KSR1: variants seen among roughly 807,000 people sequenced by gnomAD.
KSR1 encodes kinase suppressor of ras.
In KSR1, 35 loss-of-function variants were observed where a neutral mutation model predicts 92.9. The ratio of observed to expected loss-of-function variants is 0.38; its 90% CI spans 0.29 to 0.50. The LOEUF (loss-of-function observed/expected upper bound fraction) is 0.50, where lower values mean the gene tolerates loss of function less well. KSR1 is among the 20% of genes least tolerant of loss of function. The pLI is 0.94. For missense variants in KSR1, 972 were observed against 1,158.5 expected (o/e 0.84, Z 2.34); for synonymous variants, 467 against 472.6 (o/e 0.99, Z 0.15).
chr17:27,598,411 C>A (rs948309380), intron 10 of KSR1, among the ~76,000 whole-genome samples: 1 of 152,228 alleles, frequency 6.6e-6, no homozygotes, highest in Non-Finnish European at 1.5e-5. Context: ...CCATACCCAG[C>A]CAGCAGGAGG....
At chr17:27,503,753 A>G (rs1332422895) in intron 1 of KSR1, among the ~76,000 whole-genome samples, 4 of 152,210 alleles carry the variant, frequency 2.6e-5, no homozygotes, top group Non-Finnish European at 4.4e-5. Context: ...TTTAGTGCTC[A>G]TGTGATTTGC....
intron 1 of KSR1, among the ~76,000 whole-genome samples, chr17:27,468,534 C>T (rs1054543319): frequency 6.6e-6 from 1 of 152,164 alleles, no homozygotes; most frequent in Non-Finnish European, 1.5e-5. Context: ...TGGCCTGTGG[C>T]CAATCTTGAG....
At chr17:27,602,102 AAAG>A in intron 11 of KSR1, 1 of 628,642 alleles carries the variant, frequency 1.6e-6, no homozygotes, top group Non-Finnish European at 2.8e-6. Flanking sequence ...TGTTTAAAAC[AAAG>A]ACTGTAGCTG....
chr17:27,592,283 A>G, intron 7 of KSR1, 78 bp from the exon 8 acceptor site: 1 of 1,121,320 alleles, frequency 8.9e-7, no homozygotes, highest in Non-Finnish European at 1.3e-6. Flanking sequence ...TCCTGAGTGA[A>G]TGCTACACAG....
intron 3 of KSR1, chr17:27,579,807 T>C (rs2072666616): frequency 7.7e-6 from 1 of 129,912 alleles, no homozygotes; most frequent in Non-Finnish European, 1.6e-5. Flanking sequence ...ACCTGGGAGA[T>C]AGGGGTTGCA....
chr17:27,466,867 G>T (rs1301939607), intron 1 of KSR1, among the ~76,000 whole-genome samples: 1 of 152,224 alleles, frequency 6.6e-6, no homozygotes, highest in Non-Finnish European at 1.5e-5. Context: ...CAGAAAGAGC[G>T]CTGGTTCCAC....
At position 27,606,799 on chromosome 17, in the gene KSR1, A is replaced by G. The variant is rs1280442223; in HGVS notation, c.1994+986A>G. 1.3e-5 allele frequency among the ~76,000 whole-genome samples: 2 copies of G among 152,092 alleles called. 1 individual carries two copies. The highest frequency in any genetic ancestry group is 4.8e-5 in the African/African-American group (2 of 41,430). On this transcript the variant is annotated intron_variant, in intron 14 of 20. Transcript: ENST00000644974. Reference sequence around the variant, plus strand: ...AGAACAAGACTCCATCTCAAAAAAAAAAAAAAAGTAGTTAATGAAAAACAA... The same window carrying G: ...AGAACAAGACTCCATCTCAAAAAAAGAAAAAAAGTAGTTAATGAAAAACAA...
chr17:27,594,215 TA>T (rs1478904922), intron 9 of KSR1, among the ~76,000 whole-genome samples: 2 of 152,084 alleles, frequency 1.3e-5, no homozygotes, highest in Non-Finnish European at 2.9e-5. Context: ...ATTCACAGGG[TA>T]TTTGAAGGGT....
intron 18 of KSR1, among the ~76,000 whole-genome samples, chr17:27,614,893 A>C (rs923756553): frequency 3.3e-5 from 5 of 152,204 alleles, no homozygotes; most frequent in Non-Finnish European, 5.9e-5. Flanking sequence ...GGGTAGGGGA[A>C]CATTGGTCAA....
At chr17:27,555,522 G>A (rs1019808733) in intron 2 of KSR1, among the ~76,000 whole-genome samples, 2 of 149,902 alleles carry the variant, frequency 1.3e-5, no homozygotes, top group Admixed American at 6.6e-5. Flanking sequence ...GTGTGTGTGT[G>A]TGTGTGTGTG....
Position 27,577,616 on chromosome 17 carries a change from G to T in KSR1, c.497G>T (p.Cys166Phe), listed in dbSNP as rs367832544. Reference sequence around the variant, plus strand: ...GGCCGTCTGCAGTATGCCCTCACCTGCCTGCGGAAGGTGACAGGCCTGGGT... The same window carrying T: ...GGCCGTCTGCAGTATGCCCTCACCTTCCTGCGGAAGGTGACAGGCCTGGGT... ...ECGRLQYALT[C>F]LRKVTGLGGE... The change falls in exon 3 of 21, where the codon TGC (cysteine) becomes TTC (phenylalanine). Residue 166 changes from cysteine (C) to phenylalanine (F), a missense_variant. Coordinates refer to ENST00000644974, the MANE Select transcript of KSR1 (RefSeq NM_001394583.1). This position sits in a 1 kb window ranked among gnomAD's most constrained non-coding sequence, Gnocchi z 4.5. The T allele has an allele frequency of 1.1e-5, 17 of 1,586,474 alleles. No homozygotes were observed. The African/African-American group carries it at 2.3e-4, about 21-fold the overall frequency.
chr17:27,533,952 T>A (rs1000950456), intron 1 of KSR1, among the ~76,000 whole-genome samples: 2 of 131,208 alleles, frequency 1.5e-5, no homozygotes, highest in Non-Finnish European at 3.2e-5. Flanking sequence ...AGGTGACAGG[T>A]GCGTGTGCGC....
At chr17:27,622,065 G>C in intron 20 of KSR1, 2 of 843,958 alleles carry the variant, frequency 2.4e-6, no homozygotes, top group Non-Finnish European at 4.0e-6. Context: ...TGCTCCAGTC[G>C]TCTCTCTCGA....
At chr17:27,610,293 G>A in intron 17 of KSR1, 95 bp downstream of exon 17, 1 of 1,538,668 alleles carries the variant, frequency 6.5e-7, no homozygotes, top group Non-Finnish European at 8.8e-7. Context: ...TTTAGGTGTT[G>A]AAAACCCAGG....
In KSR1 at chr17:27,604,701, A is replaced by G. The variant is rs1418529946; in HGVS notation, c.1587A>G (p.Ala529=). The stretch of plus-strand genomic sequence containing the variant: ...TTAGGCTCGATGACCAGCCGAAAGC[A>G]GATGTGTTGGAAGCTCACGAAGCGG... The part of the protein sequence containing the change: ...DGTRLDDQPK[A]DVLEAHEAEA... Residue 529 remains alanine (A), a synonymous_variant, in exon 13 of 21, where the codon GCA becomes GCG. Coordinates refer to ENST00000644974, the MANE Select transcript of KSR1 (RefSeq NM_001394583.1). 3 of 1,614,072 alleles carry G rather than the reference A, an allele frequency of 1.9e-6. No individual in the cohort carries two copies. The highest frequency in any genetic ancestry group is 2.5e-6 in the Non-Finnish European group (3 of 1,179,900).
chr17:27,523,582 G>A (rs2070130521), intron 1 of KSR1, among the ~76,000 whole-genome samples: 2 of 152,180 alleles, frequency 1.3e-5, no homozygotes, highest in African/African-American at 2.4e-5. Context: ...GTTTGGAGGG[G>A]ATATTAGATA....
rs1034401163 is a variant in KSR1, at chr17:27,515,326, A to G, written c.232-35242A>G. ...CTTTTCTGTGTTCTGATATGTTTAG[A>G]TTTGTCTTACAAATGTATTACAGTT... On this transcript the variant is annotated intron_variant, in intron 1 of 20. Coordinates refer to ENST00000644974, the MANE Select transcript of KSR1 (RefSeq NM_001394583.1). 2.0e-5 allele frequency among the ~76,000 whole-genome samples: 3 copies of G among 152,154 alleles called. No individual in the cohort carries two copies. The East Asian group carries it at 5.8e-4, about 29-fold the overall frequency.
chr17:27,583,043 C>T lies in KSR1; in HGVS notation c.918C>T (p.Leu306=). The change falls in exon 4 of 21, where the codon CTC becomes CTT. Residue 306 remains leucine (L), a synonymous_variant. Transcript: ENST00000644974. ...VFQLLPSFPT[L]TRSKSHESQL... ...AGCTGCTGCCCAGCTTCCCCACACT[C>T]ACCCGGAGCAAGTCCCATGAGTCTC... 6.2e-7 allele frequency: 1 copy of T among 1,607,294 alleles called. No homozygotes were observed. The highest frequency in any genetic ancestry group is 8.5e-7 in the Non-Finnish European group (1 of 1,177,048).
chr17:27,523,888 C>G (rs533284594), intron 1 of KSR1, among the ~76,000 whole-genome samples: 1 of 152,182 alleles, frequency 6.6e-6, no homozygotes, highest in East Asian at 1.9e-4. Flanking sequence ...TGTCATTGGC[C>G]AGGTATTAGT....
Sources: allele counts gnomAD v4.1 joint callset (sites outside exome capture counted in the v4.1 genomes callset), GRCh38; gene constraint gnomAD v4.1.1; non-coding constraint Gnocchi (gnomAD v3.1); transcripts MANE v1.5; gene names NCBI Gene and HGNC (gene_info 2026-07-23, HGNC 2026-07-21).